The following PPARA variants were observed in gnomAD, a reference collection of about 807,000 sequenced individuals.
The protein encoded by PPARA is peroxisome proliferator activated receptor alpha, also known as peroxisome proliferator-activated receptor alpha.
A neutral mutation model predicts 42.2 loss-of-function variants in PPARA; 22 were observed. The observed-to-expected ratio is 0.52, with a 90% CI of 0.37 to 0.74. The LOEUF (loss-of-function observed/expected upper bound fraction) is 0.74, where lower values mean the gene tolerates loss of function less well. Ranked by LOEUF, PPARA falls within the 30% of genes least tolerant of loss-of-function variation. The pLI, the probability that PPARA is intolerant of heterozygous loss-of-function variation, is 0.00. For synonymous variants in PPARA, 242 were observed against 239.3 expected, an observed-to-expected ratio of 1.01 and a Z score of -0.10; for missense variants, 465 against 608.2, an observed-to-expected ratio of 0.76 and a Z score of 2.48.
rs1601828271 is a variant in PPARA, at chr22:46,233,009, C to T, written c.1159+770C>T. On this transcript the variant is annotated intron_variant, in intron 8 of 8. Coordinates refer to ENST00000407236, the MANE Select transcript of PPARA (RefSeq NM_005036.6). The surrounding 1 kb of genome is among the most constrained non-coding windows in gnomAD (Gnocchi z 7.3). ...AAAAAAAAAAAAAAAAAATTATACA[C>T]ACACACACACACACACATTTCGTTT... Among the ~76,000 whole-genome samples, 1 of 135,722 alleles carries T rather than the reference C, an allele frequency of 7.4e-6. No individual in the cohort carries two copies. Among genetic ancestry groups the T allele is most frequent in the South Asian group, 2.1e-4 (1 of 4,702 alleles). The allele number at this position is 135,722 out of a possible 152,430, so 89.0% of individuals were successfully genotyped here.
At position 46,212,469 on chromosome 22, in the gene PPARA, T is replaced by A. The variant is rs1288230165; in HGVS notation, c.209-2704T>A. On this transcript the variant is annotated intron_variant, in intron 4 of 8. Transcript: ENST00000407236. This position sits in a 1 kb window ranked among gnomAD's most constrained non-coding sequence, Gnocchi z 4.2. The stretch of plus-strand genomic sequence containing the variant: ...AGCTCAGAAATGGTTCTTTTTACCA[T>A]TGCTATAATTTTGCCTTTTCCAGAA... 3.3e-5 allele frequency among the ~76,000 whole-genome samples: 5 copies of A among 152,200 alleles called. No individual in the cohort carries two copies. Among genetic ancestry groups the A allele is most frequent in the Admixed American group, 2.6e-4 (4 of 15,280 alleles).
rs4253770 is a variant in PPARA, at chr22:46,231,285, G to C, written c.712-507G>C. ...CCAGGCTGGAGTGCAGTGGCGCAAT[G>C]TCGGCTCACTGCAAGCTCTGCCTCC... On this transcript the variant is annotated intron_variant, in intron 7 of 8. Transcript: ENST00000407236. This position sits in a 1 kb window ranked among gnomAD's most constrained non-coding sequence, Gnocchi z 7.7. 0.31 allele frequency among the ~76,000 whole-genome samples: 46,601 copies of C among 150,050 alleles called. 11,296 individuals carry two copies. Among genetic ancestry groups the C allele is most frequent in the African/African-American group, 0.68 (27,832 of 40,800 alleles).
rs1279499029 is a variant in PPARA at position 46,185,894 on chromosome 22, C to CAAAAAAAAAAAAAAA, written c.-43+9058_-43+9059insAAAAAAAAAAAAAAA. ...TGGGTGACAAAGTGAGACTCCGTCT[C>CAAAAAAAAAAAAAAA]CAAAAAAAAAAAAAAAAAAAAAATA... On this transcript the variant is annotated intron_variant, in intron 3 of 8. Coordinates refer to ENST00000407236, the MANE Select transcript of PPARA (RefSeq NM_005036.6). 3.0e-3 allele frequency among the ~76,000 whole-genome samples: 62 copies of CAAAAAAAAAAAAAAA among 20,844 alleles called. 14 individuals are homozygous for CAAAAAAAAAAAAAAA. Among genetic ancestry groups the CAAAAAAAAAAAAAAA allele is most frequent in the African/African-American group, 3.5e-3 (13 of 3,672 alleles). The allele number at this position is 20,844 out of a possible 152,430, so 13.7% of individuals were successfully genotyped here.
At chr22:46,154,237 T>C (rs969347683) in intron 2 of PPARA, among the ~76,000 whole-genome samples, 21 of 152,212 alleles carry the variant, frequency 1.4e-4, no homozygotes, top group African/African-American at 5.1e-4. Flanking sequence ...GAAGAACCTA[T>C]TTTTGCCGGG....
chr22:46,209,250 G>A (rs2147490005), intron 4 of PPARA, among the ~76,000 whole-genome samples: 1 of 151,944 alleles, frequency 6.6e-6, no homozygotes, highest in Middle Eastern at 3.4e-3. Context: ...TTATATATCT[G>A]GCTGCTTCTA....
intron 5 of PPARA, 55 bp from the exon 6 acceptor site, chr22:46,218,208 G>T: frequency 6.2e-7 from 1 of 1,605,076 alleles, no homozygotes; most frequent in Admixed American, 1.7e-5. Context: ...TAAAGCAAGT[G>T]CGCTGGTTTC....
rs144186948 is a variant in PPARA at position 46,227,621 on chromosome 22, G to A, written c.712-4171G>A. 6.6e-6 allele frequency among the ~76,000 whole-genome samples: 1 copy of A among 152,326 alleles called. No individual in the cohort carries two copies. The highest frequency in any genetic ancestry group is 2.4e-5 in the African/African-American group (1 of 41,572). ...GAATTCTCATGAGTGATATCATTGA[G>A]CTTCGTAGGCCACATGAGTGTGTGC... On this transcript the variant is annotated intron_variant, in intron 7 of 8. Coordinates refer to ENST00000407236, the MANE Select transcript of PPARA (RefSeq NM_005036.6). This position sits in a 1 kb window ranked among gnomAD's most constrained non-coding sequence, Gnocchi z 4.3.
At chr22:46,153,773 C>T (rs1924838784) in intron 2 of PPARA, among the ~76,000 whole-genome samples, 1 of 151,920 alleles carries the variant, frequency 6.6e-6, no homozygotes, top group Non-Finnish European at 1.5e-5. Flanking sequence ...GCAGGAGAAT[C>T]TCTTGAACCC....
rs6008259 is a variant in PPARA, at chr22:46,237,885, G to A, written c.*2505G>A. On this transcript the variant is annotated 3_prime_UTR_variant, in exon 9 of 9. Coordinates refer to ENST00000407236, the MANE Select transcript of PPARA (RefSeq NM_005036.6). The surrounding 1 kb of genome is among the most constrained non-coding windows in gnomAD (Gnocchi z 6.7). ...CAATGCCAAGCCTGTGTTGTCCCCA[G>A]CGACCCTGCAGCTGCTCGCTCTGAT... 47,066 of 152,270 alleles carry A rather than the reference G, an allele frequency of 0.31. 11,469 individuals are homozygous for A. The highest frequency in any genetic ancestry group is 0.68 in the African/African-American group (28,226 of 41,494). The allele number at this position is 152,270 out of a possible 1,614,324, so 9.4% of individuals were successfully genotyped here. A position where few individuals can be genotyped will look rare whatever the true frequency, so the allele number is the denominator to read the frequency against.
rs1009415387 is a variant in PPARA, at chr22:46,204,205, C to T, written c.208+5614C>T. On this transcript the variant is annotated intron_variant, in intron 4 of 8. Transcript: ENST00000407236. This position sits in a 1 kb window ranked among gnomAD's most constrained non-coding sequence, Gnocchi z 5.2. ...AAGCATCAATAGTTCATTCTTCATC[C>T]ATCATGTGGACATAGCACAGTTTGC... Among the ~76,000 whole-genome samples, 5 of 152,226 alleles carry T rather than the reference C, an allele frequency of 3.3e-5. No individual in the cohort carries two copies. Among genetic ancestry groups the T allele is most frequent in the Non-Finnish European group, 7.3e-5 (5 of 68,044 alleles).
rs921497829 is a variant in PPARA at position 46,195,282 on chromosome 22, C to A, written c.-42-3060C>A. On this transcript the variant is annotated intron_variant, in intron 3 of 8. Transcript: ENST00000407236. This position sits in a 1 kb window ranked among gnomAD's most constrained non-coding sequence, Gnocchi z 4.6. ...GACTGCAACTTTTGAACTTTTTGTT[C>A]ATAGTGAAAAATATTTTAAGTAATG... 6.6e-6 allele frequency among the ~76,000 whole-genome samples: 1 copy of A among 152,116 alleles called. No individual in the cohort carries two copies. Among genetic ancestry groups the A allele is most frequent in the East Asian group, 1.9e-4 (1 of 5,200 alleles).
At chr22:46,186,028 G>T (rs1395956755) in intron 3 of PPARA, among the ~76,000 whole-genome samples, 2 of 130,194 alleles carry the variant, frequency 1.5e-5, no homozygotes, top group Non-Finnish European at 3.1e-5. Context: ...TACTTGGTTG[G>T]TTCCTCTTGG....
intron 3 of PPARA, among the ~76,000 whole-genome samples, chr22:46,177,830 G>A (rs887208991): frequency 6.6e-6 from 1 of 152,126 alleles, no homozygotes; most frequent in African/African-American, 2.4e-5. Context: ...TGTGTACCCA[G>A]TGAGACAGAT....
rs1336897173 is a variant in PPARA at position 46,173,509 on chromosome 22, C to T, written c.-126-3244C>T. Among the ~76,000 whole-genome samples the T allele has an allele frequency of 1.3e-5, 2 of 152,178 alleles. No homozygotes were observed. The highest frequency in any genetic ancestry group is 3.8e-4 in the East Asian group (2 of 5,202). ...AAGTTACTATAAGTCAGTACTAAGG[C>T]AGCTGCTACATTCTGTTTGCCAAGG... On this transcript the variant is annotated intron_variant, in intron 2 of 8. Transcript: ENST00000407236. This position sits in a 1 kb window ranked among gnomAD's most constrained non-coding sequence, Gnocchi z 4.3.
Position 46,190,739 on chromosome 22 carries a change from G to C in PPARA, c.-42-7603G>C, listed in dbSNP as rs537388425. 6.6e-6 allele frequency among the ~76,000 whole-genome samples: 1 copy of C among 152,152 alleles called. No homozygotes were observed. The highest frequency in any genetic ancestry group is 1.5e-5 in the Non-Finnish European group (1 of 68,026). On this transcript the variant is annotated intron_variant, in intron 3 of 8. Coordinates refer to ENST00000407236, the MANE Select transcript of PPARA (RefSeq NM_005036.6). The surrounding 1 kb of genome is among the most constrained non-coding windows in gnomAD (Gnocchi z 5.6). Reference sequence around the variant, plus strand: ...CACTCCAGCCTGAGTGACAGAGAGAGACTCTGTCTCAAAAATAAAAAAGTT... The same window carrying C: ...CACTCCAGCCTGAGTGACAGAGAGACACTCTGTCTCAAAAATAAAAAAGTT...
intron 4 of PPARA, among the ~76,000 whole-genome samples, chr22:46,205,566 T>A (rs1933222193): frequency 2.7e-5 from 2 of 72,832 alleles, no homozygotes; most frequent in African/African-American, 9.9e-5. Flanking sequence ...TTTTTTTTTT[T>A]TTTTTTTTTT....
rs1031350241 is a variant in PPARA, at chr22:46,196,179, G to A, written c.-42-2163G>A. On this transcript the variant is annotated intron_variant, in intron 3 of 8. Coordinates refer to ENST00000407236, the MANE Select transcript of PPARA (RefSeq NM_005036.6). The surrounding 1 kb of genome is among the most constrained non-coding windows in gnomAD (Gnocchi z 5.6). ...AGGAAGTGGTTTAGGATGTTTCAGC[G>A]AGAGCATGATACAGACTAACCCAGG... Among the ~76,000 whole-genome samples the A allele has an allele frequency of 5.3e-5, 8 of 152,194 alleles. No individual in the cohort carries two copies. Among genetic ancestry groups the A allele is most frequent in the African/African-American group, 1.4e-4 (6 of 41,446 alleles).
At chr22:46,172,632 C>T (rs1339881438) in intron 2 of PPARA, among the ~76,000 whole-genome samples, 1 of 152,142 alleles carries the variant, frequency 6.6e-6, no homozygotes, top group East Asian at 1.9e-4. Context: ...AAGAAAAAAA[C>T]AGACTTTCCG....
chr22:46,240,391 T>C lies in PPARA; in HGVS notation c.*5011T>C. On this transcript the variant is annotated 3_prime_UTR_variant, in exon 9 of 9. Transcript: ENST00000407236. This position sits in a 1 kb window ranked among gnomAD's most constrained non-coding sequence, Gnocchi z 6.0. Reference sequence around the variant, plus strand: ...AGCCTCCCTGTTGTTTCTAGACTCTTGCACCTGGTGAGTGCAAGGATAGGT... The same window carrying C: ...AGCCTCCCTGTTGTTTCTAGACTCTCGCACCTGGTGAGTGCAAGGATAGGT... The C allele has an allele frequency of 2.5e-6, 1 of 396,504 alleles. No individual in the cohort carries two copies. The highest frequency in any genetic ancestry group is 1.4e-4 in the South Asian group (1 of 7,054). 24.6% of individuals were successfully genotyped at this position (396,504 alleles called of 1,614,324 possible).
Sources: allele counts gnomAD v4.1 joint callset (sites outside exome capture counted in the v4.1 genomes callset), GRCh38; gene constraint gnomAD v4.1.1; non-coding constraint Gnocchi (gnomAD v3.1); transcripts MANE v1.5; gene names NCBI Gene and HGNC (gene_info 2026-07-23, HGNC 2026-07-21).